Variants in CCDC63 observed in about 807,000 individuals in gnomAD.
CCDC63 encodes the protein coiled-coil domain-containing protein 63.
A neutral mutation model predicts 63.6 loss-of-function variants in CCDC63; 54 were observed. The ratio of observed to expected loss-of-function variants is 0.85; its 90% CI spans 0.68 to 1.07. The LOEUF is 1.07. CCDC63 is among the 50% of genes least tolerant of loss of function. The probability of loss-of-function intolerance (pLI) is 0.00; values close to 1 mark genes in which losing one functional copy is unlikely to be tolerated. For missense variants in CCDC63, 637 were observed against 689.6 expected, an observed-to-expected ratio of 0.92 and a Z score of 0.86; for synonymous variants, 253 against 266.1, an observed-to-expected ratio of 0.95 and a Z score of 0.48.
intron 4 of CCDC63, among the ~76,000 whole-genome samples, chr12:110,863,389 C>T (rs552547075): frequency 2.6e-5 from 4 of 152,166 alleles, no homozygotes; most frequent in Non-Finnish European, 2.9e-5. Flanking sequence ...CCTGATCATC[C>T]GAGCTGCCAC....
chr12:110,866,170 G>A (rs2070944371), intron 4 of CCDC63, among the ~76,000 whole-genome samples: 1 of 152,120 alleles, frequency 6.6e-6, no homozygotes, highest in South Asian at 2.1e-4. Context: ...TAGAGATGGG[G>A]TTTTACTGTG....
At chr12:110,871,208 C>T (rs1474927581) in intron 4 of CCDC63, among the ~76,000 whole-genome samples, 1 of 152,160 alleles carries the variant, frequency 6.6e-6, no homozygotes, top group Non-Finnish European at 1.5e-5. Context: ...GTGGTGCAAT[C>T]TTGGCTCACT....
chr12:110,900,463 A>G (rs2071472096), intron 10 of CCDC63, among the ~76,000 whole-genome samples: 1 of 152,222 alleles, frequency 6.6e-6, no homozygotes, highest in South Asian at 2.1e-4. Flanking sequence ...CCTGGCATGT[A>G]GCAAATCTAT....
chr12:110,860,295 G>C (rs1185492336), intron 4 of CCDC63, among the ~76,000 whole-genome samples: 1 of 152,174 alleles, frequency 6.6e-6, no homozygotes, highest in African/African-American at 2.4e-5. Flanking sequence ...GTGGGTCTGG[G>C]GGGCAAGTGG....
Position 110,847,003 on chromosome 12 carries a change from G to C in CCDC63, c.-199G>C, listed in dbSNP as rs1172012907. 5 of 152,158 alleles carry C rather than the reference G, an allele frequency of 3.3e-5. No homozygotes were observed. Among genetic ancestry groups the C allele is most frequent in the Admixed American group, 2.6e-4 (4 of 15,288 alleles). 9.4% of individuals were successfully genotyped at this position (152,158 alleles called of 1,614,324 possible). A position where few individuals can be genotyped will look rare whatever the true frequency, so the allele number is the denominator to read the frequency against. On this transcript the variant is annotated 5_prime_UTR_variant, in exon 1 of 12. Transcript: ENST00000308208. ...GCTGGGGGTGTGGCGCAGCGAGGCCGCGCAGCAAGCAGTCCTCCCGGCACC... is the reference window on the plus strand; with the variant it reads ...GCTGGGGGTGTGGCGCAGCGAGGCCCCGCAGCAAGCAGTCCTCCCGGCACC...
At chr12:110,905,475 C>T (rs61940347) in intron 11 of CCDC63, among the ~76,000 whole-genome samples, 1,860 of 152,132 alleles carry the variant, frequency 0.012, 14 homozygotes, top group Non-Finnish European at 0.015. Flanking sequence ...ATATGGGAAC[C>T]GATCCTTCCA....
chr12:110,873,732 C>T, intron 4 of CCDC63, 110 bp from the exon 5 acceptor site: 1 of 1,351,070 alleles, frequency 7.4e-7, no homozygotes, highest in Non-Finnish European at 1.0e-6. Flanking sequence ...AACTGTAGAG[C>T]TGGTACCCAT....
At chr12:110,898,601 G>C (rs1220925467) in intron 9 of CCDC63, among the ~76,000 whole-genome samples, 1 of 145,206 alleles carries the variant, frequency 6.9e-6, no homozygotes, top group Admixed American at 6.9e-5. Context: ...CTGGGTGACA[G>C]AGTGAGACTC....
In CCDC63 at chr12:110,846,992, G is replaced by T. The variant is rs1014009279; in HGVS notation, c.-210G>T. 2 of 152,110 alleles carry T rather than the reference G, an allele frequency of 1.3e-5. No homozygotes were observed. The highest frequency in any genetic ancestry group is 1.9e-4 in the East Asian group (1 of 5,164). The allele number at this position is 152,110 out of a possible 1,614,324, so 9.4% of individuals were successfully genotyped here. On this transcript the variant is annotated 5_prime_UTR_variant, in exon 1 of 12. Transcript: ENST00000308208. ...CCGGGCGTGGGGCTGGGGGTGTGGC[G>T]CAGCGAGGCCGCGCAGCAAGCAGTC...
intron 10 of CCDC63, among the ~76,000 whole-genome samples, chr12:110,903,185 G>T (rs2071512733): frequency 6.6e-6 from 1 of 151,624 alleles, no homozygotes; most frequent in Non-Finnish European, 1.5e-5. Context: ...CCTAATTTTT[G>T]TTTTTTAGTA....
chr12:110,846,540 T>A (rs2070639060), upstream of CCDC63, among the ~76,000 whole-genome samples: 1 of 152,146 alleles, frequency 6.6e-6, no homozygotes, highest in African/African-American at 2.4e-5. Flanking sequence ...CAACATTTTT[T>A]TTTAATTTAT....
At chr12:110,852,267 T>C (rs1396350616) in intron 1 of CCDC63, among the ~76,000 whole-genome samples, 1 of 152,102 alleles carries the variant, frequency 6.6e-6, no homozygotes, top group East Asian at 1.9e-4. Context: ...GATGCCTTTT[T>C]TTTTGTGAGA....
At position 110,887,109 on chromosome 12, in the gene CCDC63, C is replaced by CT. The variant is rs199910493; in HGVS notation, c.1074+2868dup. On this transcript the variant is annotated intron_variant, in intron 8 of 11. Coordinates refer to ENST00000308208, the MANE Select transcript of CCDC63 (RefSeq NM_152591.3). ...AACTTTTATTTAAAAAGCTACAAAACTTTTTTTTTAAATTTTCTTTCTTTT... is the reference window on the plus strand; with the variant it reads ...AACTTTTATTTAAAAAGCTACAAAACTTTTTTTTTTAAATTTTCTTTCTTTT... Among the ~76,000 whole-genome samples, 19 of 151,436 alleles carry CT rather than the reference C, an allele frequency of 1.3e-4. No individual in the cohort carries two copies. In the South Asian group the frequency reaches 1.3e-3, roughly 10 times the overall value.
chr12:110,856,047 T>G (rs79408676), intron 3 of CCDC63, among the ~76,000 whole-genome samples: 2,611 of 152,198 alleles, frequency 0.017, 30 homozygotes, highest in Non-Finnish European at 0.028. Flanking sequence ...CACCTTCCTT[T>G]TGCTTTTACC....
intron 8 of CCDC63, among the ~76,000 whole-genome samples, chr12:110,890,354 G>C (rs1440237488): frequency 6.6e-6 from 1 of 151,926 alleles, no homozygotes; most frequent in Non-Finnish European, 1.5e-5. Flanking sequence ...AATCTTTACA[G>C]GGGGAAAAAA....
intron 9 of CCDC63, among the ~76,000 whole-genome samples, chr12:110,893,990 CAA>C (rs35844792): frequency 0.096 from 11,332 of 117,452 alleles, 521 homozygotes; most frequent in East Asian, 0.25. Flanking sequence ...GACCCTGTCT[CAA>C]AAAAAAAAAA....
At chr12:110,898,907 A>G (rs777771711) in intron 9 of CCDC63, 26 bp from the exon 10 acceptor site, 5 of 1,547,846 alleles carry the variant, frequency 3.2e-6, no homozygotes, top group Non-Finnish European at 4.4e-6. Flanking sequence ...CCTCCTGAGC[A>G]GGTGGGAATT....
intron 11 of CCDC63, among the ~76,000 whole-genome samples, chr12:110,905,770 C>T (rs139837172): frequency 6.9e-5 from 10 of 144,768 alleles, no homozygotes; most frequent in African/African-American, 2.6e-4. Flanking sequence ...TCCCATCTTT[C>T]TAAAAACATT....
rs577097425 is a variant in CCDC63, at chr12:110,889,703, G to T, written c.1075-3373G>T. On this transcript the variant is annotated intron_variant, in intron 8 of 11. Transcript: ENST00000308208. The surrounding 1 kb of genome is among the most constrained non-coding windows in gnomAD (Gnocchi z 4.1). ...GGGGCCATGGGAGATCTCCGAGCAG[G>T]GGAGCGGTGCCATCGACTCAGGTTA... Among the ~76,000 whole-genome samples the T allele has an allele frequency of 1.7e-4, 26 of 152,242 alleles. No homozygotes were observed. The highest frequency in any genetic ancestry group is 6.0e-4 in the African/African-American group (25 of 41,548).
Sources: allele counts gnomAD v4.1 joint callset (sites outside exome capture counted in the v4.1 genomes callset), GRCh38; gene constraint gnomAD v4.1.1; non-coding constraint Gnocchi (gnomAD v3.1); transcripts MANE v1.5; gene names NCBI Gene and HGNC (gene_info 2026-07-23, HGNC 2026-07-21).